Variants in TRPM7 observed in about 807,000 individuals in gnomAD.
TRPM7 encodes transient receptor potential cation channel subfamily M member 7.
In TRPM7, 134 loss-of-function variants were observed where a neutral mutation model predicts 229.7. The ratio of observed to expected loss-of-function variants is 0.58; its 90% CI spans 0.51 to 0.67. The LOEUF (loss-of-function observed/expected upper bound fraction) is 0.67, where lower values mean the gene tolerates loss of function less well. TRPM7 is among the 30% of genes least tolerant of loss of function. The probability of loss-of-function intolerance (pLI) is 0.00; values close to 1 mark genes in which losing one functional copy is unlikely to be tolerated. For synonymous variants in TRPM7, 699 were observed against 715.2 expected (o/e 0.98, Z 0.36); for missense variants, 1,901 against 2,210.0 (o/e 0.86, Z 2.80).
intron 4 of TRPM7, among the ~76,000 whole-genome samples, chr15:50,647,063 T>G (rs549945588): frequency 1.3e-5 from 2 of 152,342 alleles, no homozygotes; most frequent in East Asian, 3.9e-4. Flanking sequence ...ATATCCCCAT[T>G]CTTAAGTGAT....
intron 12 of TRPM7, among the ~76,000 whole-genome samples, chr15:50,623,849 G>C (rs2060487414): frequency 1.3e-5 from 2 of 151,728 alleles, no homozygotes; most frequent in Non-Finnish European, 2.9e-5. Flanking sequence ...AGACAACGGA[G>C]TCAAAAGAAA....
intron 21 of TRPM7, among the ~76,000 whole-genome samples, chr15:50,603,281 G>T (rs2059827759): frequency 6.6e-6 from 1 of 151,444 alleles, no homozygotes; most frequent in African/African-American, 2.4e-5. Flanking sequence ...AGCTTAGCAG[G>T]GTTACTCAAG....
chr15:50,591,038 G>A (rs551652940), intron 26 of TRPM7, among the ~76,000 whole-genome samples: 1 of 152,246 alleles, frequency 6.6e-6, no homozygotes, highest in South Asian at 2.1e-4. Flanking sequence ...GGTCTTTAAT[G>A]TGTTACTGCC....
intron 23 of TRPM7, among the ~76,000 whole-genome samples, chr15:50,594,857 C>A (rs2059594154): frequency 6.6e-6 from 1 of 151,828 alleles, no homozygotes; most frequent in Admixed American, 6.6e-5. Flanking sequence ...ATGGGTAAGA[C>A]ATAAGAAAAT....
intron 21 of TRPM7, among the ~76,000 whole-genome samples, chr15:50,602,575 ACG>A (rs2059810026): frequency 6.6e-6 from 1 of 152,128 alleles, no homozygotes; most frequent in Non-Finnish European, 1.5e-5. Context: ...TTCTATCTTC[ACG>A]TAACAATTTA....
chr15:50,558,030 G>A lies in TRPM7; in HGVS notation c.*3648C>T, dbSNP rs2053192682. The A allele has an allele frequency of 6.6e-6, 1 of 152,182 alleles. No individual in the cohort carries two copies. Among genetic ancestry groups the A allele is most frequent in the African/African-American group, 2.4e-5 (1 of 41,438 alleles). 9.4% of individuals were successfully genotyped at this position (152,182 alleles called of 1,614,324 possible). On this transcript the variant is annotated 3_prime_UTR_variant, in exon 39 of 39. Coordinates refer to ENST00000646667, the MANE Select transcript of TRPM7 (RefSeq NM_017672.6). ...GAGAATAAAAAATTAAAAAGATTAA[G>A]CAAATGACACTTTCACATCATAGGG...
chr15:50,572,019 CAG>C (rs1251192333), intron 36 of TRPM7, among the ~76,000 whole-genome samples: 3 of 152,176 alleles, frequency 2.0e-5, no homozygotes, highest in African/African-American at 7.2e-5. Context: ...TCACTGTGGC[CAG>C]AGAGTGGCTC....
At chr15:50,679,039 A>G (rs1426663758) in intron 1 of TRPM7, among the ~76,000 whole-genome samples, 1 of 151,850 alleles carries the variant, frequency 6.6e-6, no homozygotes, top group Non-Finnish European at 1.5e-5. Context: ...ACGCCCGGCT[A>G]ATTTTTGTAT....
At chr15:50,589,848 T>TTTTTTTGTTTTTTG (rs71124380) in intron 26 of TRPM7, among the ~76,000 whole-genome samples, 192 bp from the exon 27 acceptor site, 33 of 137,198 alleles carry the variant, frequency 2.4e-4, no homozygotes, top group Admixed American at 3.5e-4. Flanking sequence ...AGGTTACAGT[T>TTTTTTTGTTTTTTG]TTTTTTGTTT....
intron 28 of TRPM7, 52 bp downstream of exon 28, chr15:50,586,338 TAA>T: frequency 8.4e-7 from 1 of 1,190,084 alleles, no homozygotes; most frequent in African/African-American, 1.5e-5. Context: ...AAAATACATT[TAA>T]AGTGTAAATG....
intron 30 of TRPM7, among the ~76,000 whole-genome samples, chr15:50,579,750 G>A (rs2054312819): frequency 6.6e-6 from 1 of 151,936 alleles, no homozygotes; most frequent in South Asian, 2.1e-4. Context: ...CTGTGGCCCA[G>A]GTTTATTTTC....
rs745895574 is a variant in TRPM7 at position 50,605,115 on chromosome 15, G to A, written c.2739C>T (p.Asn913=). 18 of 1,603,548 alleles carry A rather than the reference G, an allele frequency of 1.1e-5. No individual in the cohort carries two copies. In the East Asian group the frequency reaches 4.0e-4, roughly 36 times the overall value. Residue 913 remains asparagine (N), a synonymous_variant, in exon 21 of 39, where the codon AAC becomes AAT. Transcript: ENST00000646667. ...CACTAAACCATACTTTAATCTTCTG[G>A]TTTACTTTCCCAGCTTCAGACATAA... ...EIFMSEAGKV[N]QKIKVWFSDY...
chr15:50,627,293 G>A (rs1201637856), intron 11 of TRPM7, among the ~76,000 whole-genome samples: 1 of 152,064 alleles, frequency 6.6e-6, no homozygotes, highest in Non-Finnish European at 1.5e-5. Context: ...AAAATAGCAG[G>A]GAAGAATGCT....
At chr15:50,591,770 T>G in intron 26 of TRPM7, 141 bp downstream of exon 26, 1 of 629,964 alleles carries the variant, frequency 1.6e-6, no homozygotes, top group East Asian at 3.2e-5. Context: ...AGTACCAGAA[T>G]CACAGGTGTC....
intron 26 of TRPM7, among the ~76,000 whole-genome samples, chr15:50,591,103 A>G (rs535546667): frequency 4.0e-4 from 61 of 152,326 alleles, no homozygotes; most frequent in African/African-American, 1.5e-3. Flanking sequence ...AGGTATAAGA[A>G]TAAGTCATTC....
At chr15:50,679,030 C>T (rs986226280) in intron 1 of TRPM7, among the ~76,000 whole-genome samples, 5 of 152,084 alleles carry the variant, frequency 3.3e-5, no homozygotes, top group African/African-American at 4.8e-5. Flanking sequence ...CGTGCCACCA[C>T]GCCCGGCTAA....
Position 50,560,413 on chromosome 15 carries a change from T to C in TRPM7, c.*1265A>G, listed in dbSNP as rs947648765. 3.9e-5 allele frequency: 6 copies of C among 152,562 alleles called. No homozygotes were observed. The highest frequency in any genetic ancestry group is 1.4e-4 in the African/African-American group (6 of 41,424). The allele number at this position is 152,562 out of a possible 1,614,324, so 9.5% of individuals were successfully genotyped here. On this transcript the variant is annotated 3_prime_UTR_variant, in exon 39 of 39. Transcript: ENST00000646667. ...CACCCCCAATCAATATTAAACACTATTTAAACAGCTTATCATCTCTTGCCT... is the reference window on the plus strand; with the variant it reads ...CACCCCCAATCAATATTAAACACTACTTAAACAGCTTATCATCTCTTGCCT...
At chr15:50,600,879 T>G (rs2140412856) in intron 21 of TRPM7, among the ~76,000 whole-genome samples, 1 of 152,338 alleles carries the variant, frequency 6.6e-6, no homozygotes, top group Non-Finnish European at 1.5e-5. Flanking sequence ...CTTTTTAAAT[T>G]AAGAGCTGGC....
chr15:50,580,101 G>A (rs887528487), intron 30 of TRPM7, among the ~76,000 whole-genome samples: 2 of 152,168 alleles, frequency 1.3e-5, no homozygotes, highest in Non-Finnish European at 2.9e-5. Context: ...CACAGAAGGG[G>A]AAAAACACTG....
Sources: allele counts gnomAD v4.1 joint callset (sites outside exome capture counted in the v4.1 genomes callset), GRCh38; gene constraint gnomAD v4.1.1; transcripts MANE v1.5; gene names NCBI Gene and HGNC (gene_info 2026-07-23, HGNC 2026-07-21).